The following KALRN variants were observed in gnomAD, a reference collection of about 807,000 sequenced individuals.
The protein encoded by KALRN is kalirin.
In KALRN, 70 loss-of-function variants were observed where a neutral mutation model predicts 353.7. That is an observed-to-expected ratio of 0.20 (90% confidence interval 0.16 to 0.24). The LOEUF (loss-of-function observed/expected upper bound fraction) is 0.24, where lower values mean the gene tolerates loss of function less well. KALRN is among the 10% of genes least tolerant of loss of function. The pLI is 1.00. For missense variants in KALRN, 2,791 were observed against 3,756.7 expected (o/e 0.74, Z 6.72); for synonymous variants, 1,391 against 1,434.8 (o/e 0.97, Z 0.69).
intron 51 of KALRN, among the ~76,000 whole-genome samples, chr3:124,684,521 C>T (rs954120210): frequency 5.3e-5 from 8 of 152,100 alleles, no homozygotes; most frequent in Admixed American, 2.0e-4. Context: ...GTTTGGATAC[C>T]GCCAGCTATG....
chr3:124,041,945 A>G (rs1278388716), intron 1 of KALRN, among the ~76,000 whole-genome samples: 1 of 152,224 alleles, frequency 6.6e-6, no homozygotes. Context: ...TCTCCTCCCC[A>G]TCTGCCCTAT....
chr3:124,386,911 T>C (rs2088436064), intron 11 of KALRN, among the ~76,000 whole-genome samples: 1 of 152,204 alleles, frequency 6.6e-6, no homozygotes, highest in Non-Finnish European at 1.5e-5. Flanking sequence ...ATTAAACACA[T>C]TTTTAAATGA....
chr3:124,153,415 A>G (rs1380711907), intron 1 of KALRN, among the ~76,000 whole-genome samples: 6 of 149,374 alleles, frequency 4.0e-5, no homozygotes, highest in African/African-American at 1.2e-4. Context: ...ATGATTTCCA[A>G]TTTCATCCAT....
chr3:124,384,767 C>T (rs2149937739), intron 10 of KALRN, 78 bp from the exon 11 acceptor site: 2 of 1,403,154 alleles, frequency 1.4e-6, no homozygotes, highest in East Asian at 4.7e-5. Context: ...CCCTCCGCTT[C>T]AGCTCCGGGG....
chr3:124,663,615 G>A (rs961773153), intron 45 of KALRN, among the ~76,000 whole-genome samples: 2 of 152,174 alleles, frequency 1.3e-5, no homozygotes, highest in African/African-American at 4.8e-5. Flanking sequence ...AGTAGTTGTT[G>A]ATCCCCTTAG....
chr3:124,636,549 T>A (rs1195757704), intron 36 of KALRN, among the ~76,000 whole-genome samples: 1 of 152,140 alleles, frequency 6.6e-6, no homozygotes, highest in Non-Finnish European at 1.5e-5. Context: ...TATTACTTCC[T>A]AGTGTTCCAG....
chr3:124,637,232 C>T lies in KALRN; in HGVS notation c.5593C>T (p.Gln1865Ter). The part of the protein sequence containing the change: ...EMSSSLLAAR[Q>*]ASTEVPTAAD... ...GTCCTCCTCTTTGCTAGCAGCCCGGCAGGCTTCCACTGAAGTACCTACTGC... is the reference window on the plus strand; with the variant it reads ...GTCCTCCTCTTTGCTAGCAGCCCGGTAGGCTTCCACTGAAGTACCTACTGC... The change falls in exon 37 of 60, where the codon CAG becomes TAG. Residue 1865 changes from glutamine (Q) to a stop codon, truncating the protein, a stop_gained. Coordinates refer to ENST00000682506, the MANE Select transcript of KALRN (RefSeq NM_001388419.1). LOFTEE classifies it high-confidence loss of function. 1.2e-6 allele frequency: 2 copies of T among 1,614,122 alleles called. No individual in the cohort carries two copies. Among genetic ancestry groups the T allele is most frequent in the South Asian group, 1.1e-5 (1 of 91,068 alleles).
intron 33 of KALRN, among the ~76,000 whole-genome samples, chr3:124,513,318 A>G (rs1247239332): frequency 6.6e-6 from 1 of 152,202 alleles, no homozygotes; most frequent in Non-Finnish European, 1.5e-5. Context: ...TCATGAAGAG[A>G]TATGCAGTGG....
rs2065100471 is a variant in KALRN at position 124,505,438 on chromosome 3, TG to T, written c.4935+9028del. 3.3e-5 allele frequency among the ~76,000 whole-genome samples: 5 copies of T among 152,144 alleles called. No individual in the cohort carries two copies. The South Asian group carries it at 1.0e-3, about 32-fold the overall frequency. ...TGAGTCTAGGAGCTCAAGACCAGCC[TG>T]GGCAGCATGGTGAAACCCTATCTCT... On this transcript the variant is annotated intron_variant, in intron 33 of 59. Transcript: ENST00000682506.
intron 11 of KALRN, among the ~76,000 whole-genome samples, chr3:124,387,053 C>T (rs1258986091): frequency 1.3e-5 from 2 of 152,142 alleles, no homozygotes; most frequent in Non-Finnish European, 2.9e-5. Context: ...CTCTGTTCTT[C>T]CTTCTCCTTA....
At chr3:124,489,087 A>C (rs548249083) in intron 29 of KALRN, among the ~76,000 whole-genome samples, 1 of 152,194 alleles carries the variant, frequency 6.6e-6, no homozygotes, top group South Asian at 2.1e-4. Flanking sequence ...TGGGTGGATC[A>C]CCTGAGGTCA....
At chr3:124,070,426 G>A (rs1386914804) in intron 1 of KALRN, among the ~76,000 whole-genome samples, 1 of 152,008 alleles carries the variant, frequency 6.6e-6, no homozygotes, top group East Asian at 1.9e-4. Flanking sequence ...GTTCCTGCTG[G>A]AACCTTTGCT....
At chr3:124,672,554 G>T (rs951003243) in intron 48 of KALRN, among the ~76,000 whole-genome samples, 2 of 152,240 alleles carry the variant, frequency 1.3e-5, no homozygotes, top group Non-Finnish European at 2.9e-5. Flanking sequence ...ATTGGCTGAT[G>T]TGGAAGGGAA....
chr3:124,250,168 G>A (rs2070923497), intron 3 of KALRN, among the ~76,000 whole-genome samples: 1 of 152,206 alleles, frequency 6.6e-6, no homozygotes, highest in South Asian at 2.1e-4. Context: ...GAATGTGACT[G>A]CTACTTAAGG....
At chr3:124,413,409 T>C in intron 13 of KALRN, 61 bp from the exon 14 acceptor site, 1 of 1,416,200 alleles carries the variant, frequency 7.1e-7, no homozygotes. Context: ...TTGTGAGCCT[T>C]AACCTAACAA....
At chr3:124,230,757 C>T (rs748520154) in intron 2 of KALRN, among the ~76,000 whole-genome samples, 23 of 151,308 alleles carry the variant, frequency 1.5e-4, no homozygotes, top group Non-Finnish European at 2.4e-4. Flanking sequence ...ATTGCCCTTC[C>T]GTGTCTGGGA....
At chr3:124,665,276 T>G (rs554760502) in intron 45 of KALRN, among the ~76,000 whole-genome samples, 216 of 152,236 alleles carry the variant, frequency 1.4e-3, no homozygotes, top group South Asian at 7.9e-3. Context: ...AAGTGCAAGG[T>G]GCTCTGACAG....
chr3:124,051,964 A>G (rs1417941896), intron 1 of KALRN, among the ~76,000 whole-genome samples: 4 of 152,178 alleles, frequency 2.6e-5, no homozygotes, highest in Non-Finnish European at 5.9e-5. Flanking sequence ...CTTAAGAGAG[A>G]GTTGAGCTAG....
chr3:124,259,575 T>C (rs1409035135), intron 3 of KALRN, among the ~76,000 whole-genome samples: 2 of 152,158 alleles, frequency 1.3e-5, no homozygotes, highest in African/African-American at 4.8e-5. Flanking sequence ...CCACAGTAAG[T>C]AAATGATGGG....
Sources: gnomAD v4.1 joint callset for allele counts (sites outside exome capture counted in the v4.1 genomes callset) on GRCh38, gnomAD v4.1.1 for gene constraint, MANE v1.5 for transcripts, NCBI Gene and HGNC (gene_info 2026-07-23, HGNC 2026-07-21) for gene names.